Variants in NDUFS7 observed in about 807,000 individuals in gnomAD.
The protein encoded by NDUFS7 is NADH:ubiquinone oxidoreductase core subunit S7.
A neutral mutation model predicts 31.1 loss-of-function variants in NDUFS7; 11 were observed. The ratio of observed to expected loss-of-function variants is 0.35; its 90% CI spans 0.22 to 0.59. The LOEUF (loss-of-function observed/expected upper bound fraction) is 0.59, where lower values mean the gene tolerates loss of function less well. Among genes scored for constraint, NDUFS7 ranks in the 20% least tolerant of loss-of-function variants. NDUFS7 has a pLI of 0.79. For synonymous variants in NDUFS7, 136 were observed against 127.9 expected (o/e 1.06, Z -0.43); for missense variants, 263 against 324.2 (o/e 0.81, Z 1.45).
At position 1,393,131 on chromosome 19, in the gene NDUFS7, G is replaced by A. The variant is rs2082568528; in HGVS notation, c.456-111G>A. 1.1e-5 allele frequency: 9 copies of A among 822,886 alleles called. No individual in the cohort carries two copies. Among genetic ancestry groups the A allele is most frequent in the East Asian group, 2.7e-5 (1 of 36,962 alleles). The allele number at this position is 822,886 out of a possible 1,614,324, so 51.0% of individuals were successfully genotyped here. A position where few individuals can be genotyped will look rare whatever the true frequency, so the allele number is the denominator to read the frequency against. ...CTTCTCCGTGACAAGTTCCAGCCTCGTAGGTGCCTGGCCTGCAGTTGAAGG... is the reference window on the plus strand; with the variant it reads ...CTTCTCCGTGACAAGTTCCAGCCTCATAGGTGCCTGGCCTGCAGTTGAAGG... On this transcript the variant is annotated intron_variant, in intron 6 of 7. Coordinates refer to ENST00000233627, the MANE Select transcript of NDUFS7 (RefSeq NM_024407.5). This position sits in a 1 kb window ranked among gnomAD's most constrained non-coding sequence, Gnocchi z 7.3.
At chr19:1,395,306 C>T in intron 7 of NDUFS7, 85 bp from the exon 8 acceptor site, 1 of 1,521,028 alleles carries the variant, frequency 6.6e-7, no homozygotes, top group Non-Finnish European at 8.9e-7. Flanking sequence ...CCGGGAAACC[C>T]TTCCAAAGCC....
Position 1,393,435 on chromosome 19 carries a change from G to A in NDUFS7, c.544+105G>A, listed in dbSNP as rs948651151. ...GAGTCCCACACCCCCAGCAGACGGCGGGCTCCCCCATCCTATGGATGGGCC... is the reference window on the plus strand; with the variant it reads ...GAGTCCCACACCCCCAGCAGACGGCAGGCTCCCCCATCCTATGGATGGGCC... On this transcript the variant is annotated intron_variant, in intron 7 of 7. Transcript: ENST00000233627. The surrounding 1 kb of genome is among the most constrained non-coding windows in gnomAD (Gnocchi z 7.3). The A allele has an allele frequency of 9.4e-6, 9 of 954,174 alleles. No homozygotes were observed. Among genetic ancestry groups the A allele is most frequent in the East Asian group, 5.2e-5 (2 of 38,312 alleles). 59.1% of individuals were successfully genotyped at this position (954,174 alleles called of 1,614,324 possible). A position where few individuals can be genotyped will look rare whatever the true frequency, so the allele number is the denominator to read the frequency against.
chr19:1,388,105 C>T (rs935112389), intron 2 of NDUFS7: 2 of 605,836 alleles, frequency 3.3e-6, no homozygotes, highest in Non-Finnish European at 5.9e-6. Flanking sequence ...AGCTCACCGC[C>T]ACCTGGGGTG....
chr19:1,388,553 C>G lies in NDUFS7; in HGVS notation c.82C>G (p.Arg28Gly). Residue 28 changes from arginine to glycine, a missense_variant, in exon 3 of 8, where the codon CGA becomes GGA. Physicochemically the swap from Arg to Gly is moderately radical, Grantham distance 125. Coordinates refer to ENST00000233627, the MANE Select transcript of NDUFS7 (RefSeq NM_024407.5). ...RSSVGPAVQA[R>G]GVHQSVATDG... ...CAGCGTGGGCCCGGCTGTGCAGGCACGAGGTGTCCATCAGAGCGTGGCCAC... is the reference window on the plus strand; with the variant it reads ...CAGCGTGGGCCCGGCTGTGCAGGCAGGAGGTGTCCATCAGAGCGTGGCCAC... The G allele has an allele frequency of 6.2e-7, 1 of 1,611,782 alleles. No homozygotes were observed. Among genetic ancestry groups the G allele is most frequent in the Non-Finnish European group, 8.5e-7 (1 of 1,179,922 alleles).
intron 7 of NDUFS7, chr19:1,394,772 C>T: frequency 8.4e-7 from 1 of 1,184,714 alleles, no homozygotes; most frequent in Non-Finnish European, 1.1e-6. Flanking sequence ...CCGCCCTTTC[C>T]CAGGCCCTGC....
chr19:1,392,637 T>C (rs73515051), intron 6 of NDUFS7: 20,670 of 161,648 alleles, frequency 0.13, 2,382 homozygotes, highest in African/African-American at 0.28. Flanking sequence ...CCGAGCCTCG[T>C]GCCTTTTCTT....
chr19:1,393,628 C>T lies in NDUFS7; in HGVS notation c.544+298C>T, dbSNP rs2082572829. ...CTACCTGGCACAAACCAAAGACCTGCAGTTAGAAATACCAAGCGAGAAGGT... is the reference window on the plus strand; with the variant it reads ...CTACCTGGCACAAACCAAAGACCTGTAGTTAGAAATACCAAGCGAGAAGGT... On this transcript the variant is annotated intron_variant, in intron 7 of 7. Transcript: ENST00000233627. This position sits in a 1 kb window ranked among gnomAD's most constrained non-coding sequence, Gnocchi z 7.3. The T allele has an allele frequency of 3.3e-6, 2 of 601,040 alleles. No homozygotes were observed. Among genetic ancestry groups the T allele is most frequent in the South Asian group, 3.9e-5 (2 of 51,016 alleles). The allele number at this position is 601,040 out of a possible 1,614,324, so 37.2% of individuals were successfully genotyped here.
At position 1,393,874 on chromosome 19, in the gene NDUFS7, C is replaced by T. The variant is rs2082574200; in HGVS notation, c.544+544C>T. 1 of 244,862 alleles carries T rather than the reference C, an allele frequency of 4.1e-6. No individual in the cohort carries two copies. Among genetic ancestry groups the T allele is most frequent in the Non-Finnish European group, 8.1e-6 (1 of 123,908 alleles). 15.2% of individuals were successfully genotyped at this position (244,862 alleles called of 1,614,324 possible). A position where few individuals can be genotyped will look rare whatever the true frequency, so the allele number is the denominator to read the frequency against. Reference sequence around the variant, plus strand: ...TGGGCTATACTGACACTAAAAAGAGCATTGGCTGCATACCTGAAATTCACA... The same window carrying T: ...TGGGCTATACTGACACTAAAAAGAGTATTGGCTGCATACCTGAAATTCACA... On this transcript the variant is annotated intron_variant, in intron 7 of 7. Transcript: ENST00000233627. The surrounding 1 kb of genome is among the most constrained non-coding windows in gnomAD (Gnocchi z 7.3).
Position 1,387,837 on chromosome 19 carries a change from C to T in NDUFS7, c.43C>T (p.Leu15Phe), listed in dbSNP as rs781191282. The T allele has an allele frequency of 1.1e-5, 17 of 1,595,832 alleles. No individual in the cohort carries two copies. The highest frequency in any genetic ancestry group is 1.3e-5 in the Non-Finnish European group (15 of 1,173,124). ...TCCTGGCCTGCGCGGCTTCCGGATC[C>T]TTGGTCTGCGGTGAGTGCCTGAGTC... ...SAPGLRGFRI[L>F]GLRSSVGPAV... The change falls in exon 2 of 8, where the codon CTT (leucine) becomes TTT (phenylalanine). Residue 15 changes from leucine (L) to phenylalanine (F), a missense_variant. Transcript: ENST00000233627.
In NDUFS7 at chr19:1,388,564, T is replaced by A; in HGVS notation, c.93T>A (p.His31Gln). The change falls in exon 3 of 8, where the codon CAT becomes CAA. Residue 31 changes from histidine (H) to glutamine (Q), a missense_variant. Transcript: ENST00000233627. ...CGGCTGTGCAGGCACGAGGTGTCCA[T>A]CAGAGCGTGGCCACCGATGGCCCAA... ...VGPAVQARGV[H>Q]QSVATDGPSS... is the part of the protein sequence containing the mutation. 6.2e-7 allele frequency: 1 copy of A among 1,612,054 alleles called. No individual in the cohort carries two copies. The highest frequency in any genetic ancestry group is 8.5e-7 in the Non-Finnish European group (1 of 1,179,890).
At chr19:1,389,102 TGTACACGGACCACAC>T in intron 4 of NDUFS7, 164 bp downstream of exon 4, 1 of 730,056 alleles carries the variant, frequency 1.4e-6, no homozygotes, top group South Asian at 1.5e-5. Flanking sequence ...TGGACAGATG[TGTACACGGACCACAC>T]GCACACTCAC....
At chr19:1,388,764 G>A in intron 3 of NDUFS7, 69 bp from the exon 4 acceptor site, 2 of 1,505,732 alleles carry the variant, frequency 1.3e-6, no homozygotes, top group African/African-American at 1.4e-5. Context: ...CGGCCGTGGG[G>A]GCTCGCATCC....
Position 1,393,466 on chromosome 19 carries a change from G to C in NDUFS7, c.544+136G>C. On this transcript the variant is annotated intron_variant, in intron 7 of 7. Coordinates refer to ENST00000233627, the MANE Select transcript of NDUFS7 (RefSeq NM_024407.5). This position sits in a 1 kb window ranked among gnomAD's most constrained non-coding sequence, Gnocchi z 7.3. ...CCCCATCCTATGGATGGGCCGACTC[G>C]GAGCGCTGCCTCTTAGTGGAGCCTG... 1.4e-6 allele frequency: 1 copy of C among 739,764 alleles called. No homozygotes were observed. The highest frequency in any genetic ancestry group is 2.4e-6 in the Non-Finnish European group (1 of 420,792). 45.8% of individuals were successfully genotyped at this position (739,764 alleles called of 1,614,324 possible). A position where few individuals can be genotyped will look rare whatever the true frequency, so the allele number is the denominator to read the frequency against.
chr19:1,394,350 G>A (rs542371942), intron 7 of NDUFS7: 45 of 1,288,564 alleles, frequency 3.5e-5, no homozygotes, highest in East Asian at 3.3e-4. Context: ...TGCCCCTGGC[G>A]TCTTCCCCTG....
chr19:1,393,312 G>C lies in NDUFS7; in HGVS notation c.526G>C (p.Val176Leu). The change falls in exon 7 of 8, where the codon GTG (valine) becomes CTG (leucine). Residue 176 changes from valine to leucine, a missense_variant. Val to Leu is a conservative substitution (Grantham distance 32). Transcript: ENST00000233627. The surrounding 1 kb of genome is among the most constrained non-coding windows in gnomAD (Gnocchi z 7.3). The stretch of plus-strand genomic sequence containing the variant: ...GAGGGGCTGCGACCGCATCGTGCCC[G>C]TGGACATCTACATCCCAGGTAGGGC... Reference protein sequence around the residue: ...VVRGCDRIVPVDIYIPGCPPT... With the variant: ...VVRGCDRIVPLDIYIPGCPPT... The C allele has an allele frequency of 6.3e-7, 1 of 1,584,420 alleles. No homozygotes were observed. The highest frequency in any genetic ancestry group is 8.6e-7 in the Non-Finnish European group (1 of 1,166,508).
chr19:1,393,210 G>T lies in NDUFS7; in HGVS notation c.456-32G>T. Reference sequence around the variant, plus strand: ...AGGGAGGGTGGGCAGGCGGGTCTTCGGCACACTCCCCTCACGGTGCCTCCC... The same window carrying T: ...AGGGAGGGTGGGCAGGCGGGTCTTCTGCACACTCCCCTCACGGTGCCTCCC... On this transcript the variant is annotated intron_variant, in intron 6 of 7. Transcript: ENST00000233627. This position sits in a 1 kb window ranked among gnomAD's most constrained non-coding sequence, Gnocchi z 7.3. 1 of 1,537,244 alleles carries T rather than the reference G, an allele frequency of 6.5e-7. No homozygotes were observed.
chr19:1,384,063 C>T, intron 1 of NDUFS7, 121 bp downstream of exon 1: 3 of 1,135,562 alleles, frequency 2.6e-6, no homozygotes, highest in Non-Finnish European at 3.6e-6. Flanking sequence ...CTCCGGGCTT[C>T]TCCGAGCCGG....
Position 1,393,441 on chromosome 19 carries a change from C to T in NDUFS7, c.544+111C>T, listed in dbSNP as rs1600153072. The T allele has an allele frequency of 1.1e-6, 1 of 911,248 alleles. No individual in the cohort carries two copies. Among genetic ancestry groups the T allele is most frequent in the South Asian group, 1.4e-5 (1 of 71,570 alleles). The allele number at this position is 911,248 out of a possible 1,614,324, so 56.4% of individuals were successfully genotyped here. A position where few individuals can be genotyped will look rare whatever the true frequency, so the allele number is the denominator to read the frequency against. Reference sequence around the variant, plus strand: ...CACACCCCCAGCAGACGGCGGGCTCCCCCATCCTATGGATGGGCCGACTCG... The same window carrying T: ...CACACCCCCAGCAGACGGCGGGCTCTCCCATCCTATGGATGGGCCGACTCG... On this transcript the variant is annotated intron_variant, in intron 7 of 7. Transcript: ENST00000233627. The surrounding 1 kb of genome is among the most constrained non-coding windows in gnomAD (Gnocchi z 7.3).
At chr19:1,389,039 CA>C in intron 4 of NDUFS7, 101 bp downstream of exon 4, 1 of 962,768 alleles carries the variant, frequency 1.0e-6, no homozygotes, top group Admixed American at 2.0e-5. Context: ...CGTACACACA[CA>C]ACACATGCAT....
Sources: gnomAD v4.1 joint callset for allele counts on GRCh38, gnomAD v4.1.1 for gene constraint, Gnocchi (gnomAD v3.1) non-coding constraint, MANE v1.5 for transcripts, NCBI Gene and HGNC (gene_info 2026-07-23, HGNC 2026-07-21) for gene names.